Variants in UNC5D observed in about 807,000 individuals in gnomAD.
The protein encoded by UNC5D is unc-5 netrin receptor D.
Under a neutral mutation model 105.4 loss-of-function variants are expected in UNC5D, and 39 were observed. The observed-to-expected ratio is 0.37, with a 90% confidence interval of 0.29 to 0.48. UNC5D has a LOEUF of 0.48. Among genes scored for constraint, UNC5D ranks in the 20% least tolerant of loss-of-function variants. The pLI is 0.98. For synonymous variants in UNC5D, 452 were observed against 450.4 expected, an observed-to-expected ratio of 1.00 and a Z score of -0.04; for missense variants, 991 against 1,202.4, an observed-to-expected ratio of 0.82 and a Z score of 2.60.
At chr8:35,764,763 T>G (rs1457749365) in intron 14 of UNC5D, among the ~76,000 whole-genome samples, 2 of 152,220 alleles carry the variant, frequency 1.3e-5, no homozygotes, top group African/African-American at 4.8e-5. Context: ...AAAAGCACAC[T>G]TAGTGATCAT....
chr8:35,272,794 A>G (rs1374541910), intron 1 of UNC5D, among the ~76,000 whole-genome samples: 1 of 152,216 alleles, frequency 6.6e-6, no homozygotes, highest in Non-Finnish European at 1.5e-5. Flanking sequence ...TGTGATTAAA[A>G]AGCAAGTAAC....
chr8:35,425,495 G>T (rs1472556119), intron 1 of UNC5D, among the ~76,000 whole-genome samples: 1 of 152,136 alleles, frequency 6.6e-6, no homozygotes. Flanking sequence ...GCTGTGCTGG[G>T]TATACTGTGT....
intron 1 of UNC5D, among the ~76,000 whole-genome samples, chr8:35,519,410 C>T (rs545263838): frequency 4.6e-5 from 7 of 152,176 alleles, no homozygotes; most frequent in Admixed American, 3.9e-4. Context: ...ATAACATACC[C>T]ACATGCGCAT....
intron 1 of UNC5D, among the ~76,000 whole-genome samples, chr8:35,484,604 A>T (rs1022747399): frequency 1.2e-4 from 19 of 152,166 alleles, no homozygotes; most frequent in African/African-American, 4.6e-4. Context: ...AAAATTGCAG[A>T]TACCAGGAGG....
intron 1 of UNC5D, among the ~76,000 whole-genome samples, chr8:35,363,115 G>A (rs1346686974): frequency 6.6e-6 from 1 of 152,046 alleles, no homozygotes; most frequent in Non-Finnish European, 1.5e-5. Flanking sequence ...ATATTAACCT[G>A]TTATTTTTTA....
intron 1 of UNC5D, among the ~76,000 whole-genome samples, chr8:35,529,422 A>T (rs1171553815): frequency 6.7e-6 from 1 of 149,546 alleles, no homozygotes; most frequent in Non-Finnish European, 1.5e-5. Context: ...CTGTTTTGGT[A>T]CCAGTACTAT....
chr8:35,696,705 C>T (rs1586462489), intron 7 of UNC5D, among the ~76,000 whole-genome samples: 8 of 152,114 alleles, frequency 5.3e-5, no homozygotes, highest in Admixed American at 2.0e-4. Context: ...ACTAAGTACA[C>T]GTCTCTTCAA....
At chr8:35,304,937 A>G (rs1444005172) in intron 1 of UNC5D, among the ~76,000 whole-genome samples, 1 of 152,012 alleles carries the variant, frequency 6.6e-6, no homozygotes, top group Non-Finnish European at 1.5e-5. Context: ...TATGAACAAA[A>G]GGAAGTTATT....
At chr8:35,364,070 T>C (rs1801983398) in intron 1 of UNC5D, among the ~76,000 whole-genome samples, 1 of 151,974 alleles carries the variant, frequency 6.6e-6, no homozygotes, top group Admixed American at 6.6e-5. Flanking sequence ...GTAGCTAAGC[T>C]TGGGAGAACT....
At chr8:35,290,934 G>T (rs913857593) in intron 1 of UNC5D, among the ~76,000 whole-genome samples, 51 of 147,278 alleles carry the variant, frequency 3.5e-4, no homozygotes, top group African/African-American at 1.3e-3. Flanking sequence ...GGCGACAAAA[G>T]CGAGACTCCA....
At chr8:35,776,051 A>G (rs755442583) in intron 16 of UNC5D, among the ~76,000 whole-genome samples, 4 of 152,188 alleles carry the variant, frequency 2.6e-5, no homozygotes, top group Non-Finnish European at 4.4e-5. Flanking sequence ...GACTGTGTCA[A>G]TTTCCCTTTC....
At chr8:35,718,817 G>A (rs1419117534) in intron 8 of UNC5D, among the ~76,000 whole-genome samples, 1 of 152,138 alleles carries the variant, frequency 6.6e-6, no homozygotes, top group Non-Finnish European at 1.5e-5. Flanking sequence ...TAGATGCCTA[G>A]TGGAGTAGGG....
At chr8:35,441,935 T>C (rs776465243) in intron 1 of UNC5D, among the ~76,000 whole-genome samples, 1 of 151,900 alleles carries the variant, frequency 6.6e-6, no homozygotes, top group Non-Finnish European at 1.5e-5. Context: ...AGAATTCTGA[T>C]TCCAGGACCT....
intron 11 of UNC5D, among the ~76,000 whole-genome samples, chr8:35,736,078 A>G (rs1829453380): frequency 6.6e-6 from 1 of 152,162 alleles, no homozygotes; most frequent in African/African-American, 2.4e-5. Flanking sequence ...GAAACTGTAT[A>G]TGCTTTTCCT....
intron 1 of UNC5D, among the ~76,000 whole-genome samples, chr8:35,422,600 A>C (rs563166830): frequency 3.2e-4 from 49 of 152,328 alleles, no homozygotes; most frequent in African/African-American, 1.0e-3. Context: ...ATCTATGCAC[A>C]CAGATAATTA....
chr8:35,259,655 C>G (rs1211764291), intron 1 of UNC5D, among the ~76,000 whole-genome samples: 2 of 152,020 alleles, frequency 1.3e-5, no homozygotes, highest in African/African-American at 2.4e-5. Context: ...CACTTTTACC[C>G]TTTGAAAATA....
intron 1 of UNC5D, chr8:35,544,378 A>G: frequency 6.3e-7 from 1 of 1,597,332 alleles, no homozygotes; most frequent in Non-Finnish European, 8.5e-7. Flanking sequence ...ATAACAGAAA[A>G]TCTATCAGTA....
chr8:35,482,327 A>T (rs1810533121), intron 1 of UNC5D, among the ~76,000 whole-genome samples: 1 of 152,188 alleles, frequency 6.6e-6, no homozygotes, highest in African/African-American at 2.4e-5. Context: ...GCTAGGTATT[A>T]CTATTGATAA....
intron 1 of UNC5D, among the ~76,000 whole-genome samples, chr8:35,271,565 T>C (rs1805339179): frequency 1.4e-5 from 2 of 145,688 alleles, no homozygotes; most frequent in Admixed American, 6.9e-5. Context: ...TGTATACCTA[T>C]ATTTATACAG....
Sources: gnomAD v4.1 joint callset for allele counts (sites outside exome capture counted in the v4.1 genomes callset) on GRCh38, gnomAD v4.1.1 for gene constraint, MANE v1.5 for transcripts, NCBI Gene and HGNC (gene_info 2026-07-23, HGNC 2026-07-21) for gene names.